The following SEC24D variants were observed in gnomAD, a reference collection of about 807,000 sequenced individuals.
SEC24D encodes SEC24 homolog D, COPII component.
SEC24D carries 69 observed loss-of-function variants against 116.9 expected under a neutral mutation model. The ratio of observed to expected loss-of-function variants is 0.59; its 90% CI spans 0.49 to 0.72. The LOEUF (loss-of-function observed/expected upper bound fraction) is 0.72. Among genes scored for constraint, SEC24D ranks in the 30% least tolerant of loss-of-function variants. The pLI is 0.00. For missense variants in SEC24D, 1,131 were observed against 1,264.1 expected (o/e 0.89, Z 1.60); for synonymous variants, 405 against 442.8 (o/e 0.91, Z 1.07).
At chr4:118,831,335 TG>T (rs1260582689) in intron 2 of SEC24D, among the ~76,000 whole-genome samples, 1 of 152,082 alleles carries the variant, frequency 6.6e-6, no homozygotes, top group Admixed American at 6.6e-5. Context: ...CACCAAGTTT[TG>T]TTTTTTTGTT....
intron 8 of SEC24D, among the ~76,000 whole-genome samples, chr4:118,794,101 A>C (rs28655572): frequency 0.01 from 1,574 of 152,342 alleles, 25 homozygotes; most frequent in African/African-American, 0.036. Context: ...GTATTTGGTT[A>C]AAACAAACAA....
intron 8 of SEC24D, among the ~76,000 whole-genome samples, chr4:118,779,688 C>T (rs902123686): frequency 6.6e-6 from 1 of 152,190 alleles, no homozygotes; most frequent in Non-Finnish European, 1.5e-5. Context: ...GTACCAGCTT[C>T]TCTTTGTACC....
intron 19 of SEC24D, chr4:118,736,564 A>G: frequency 5.9e-6 from 2 of 340,016 alleles, no homozygotes; most frequent in Non-Finnish European, 1.1e-5. Flanking sequence ...ATTTTTCACA[A>G]GTGAACTGTA....
chr4:118,782,606 T>C (rs1308695591), intron 8 of SEC24D, among the ~76,000 whole-genome samples: 2 of 152,180 alleles, frequency 1.3e-5, no homozygotes, highest in Non-Finnish European at 2.9e-5. Context: ...TCAAACACCG[T>C]GCAGGGAGAA....
At position 118,817,340 on chromosome 4, in the gene SEC24D, A is replaced by G. The variant is rs1730194332; in HGVS notation, c.321T>C (p.Ser107=). 1.9e-6 allele frequency: 3 copies of G among 1,614,026 alleles called. No individual in the cohort carries two copies. Among genetic ancestry groups the G allele is most frequent in the African/African-American group, 2.7e-5 (2 of 75,048 alleles). The change falls in exon 4 of 23, where the codon TCT becomes TCC. Residue 107 remains serine (S), a synonymous_variant. Transcript: ENST00000280551. ...ATGAAGTGGATATAGGACCTGGATA[A>G]GAAGATTGTGCAGAGGGTTGGTATG... ...HAPYQPSAQS[S]YPGPISTSSV...
At chr4:118,762,984 G>A (rs1017366535) in intron 10 of SEC24D, among the ~76,000 whole-genome samples, 3 of 152,078 alleles carry the variant, frequency 2.0e-5, no homozygotes, top group Non-Finnish European at 2.9e-5. Context: ...CTGAGAGCAG[G>A]GTTAGATTTA....
chr4:118,779,202 C>T (rs984973636), intron 8 of SEC24D, among the ~76,000 whole-genome samples: 3 of 152,142 alleles, frequency 2.0e-5, no homozygotes, highest in Non-Finnish European at 4.4e-5. Flanking sequence ...GGAATGCTTC[C>T]AGTTTTTGCC....
intron 10 of SEC24D, among the ~76,000 whole-genome samples, chr4:118,764,082 A>G (rs1727519150): frequency 6.6e-6 from 1 of 152,180 alleles, no homozygotes; most frequent in African/African-American, 2.4e-5. Flanking sequence ...GTATAAAGGC[A>G]TGGAGTTGTC....
chr4:118,729,897 T>G (rs1296852381), intron 21 of SEC24D: 1 of 152,268 alleles, frequency 6.6e-6, no homozygotes, highest in East Asian at 1.9e-4. Context: ...ATATGCATTA[T>G]GTGGCATATT....
chr4:118,813,676 G>A (rs763909390), intron 6 of SEC24D, among the ~76,000 whole-genome samples: 9 of 152,236 alleles, frequency 5.9e-5, no homozygotes, highest in Non-Finnish European at 1.2e-4. Context: ...CCACACTGGA[G>A]ATTAAGTTTC....
At chr4:118,786,896 T>C (rs1728682032) in intron 8 of SEC24D, among the ~76,000 whole-genome samples, 1 of 152,208 alleles carries the variant, frequency 6.6e-6, no homozygotes, top group African/African-American at 2.4e-5. Flanking sequence ...TTTCTTTGTA[T>C]TGTTTCTCCT....
chr4:118,768,259 C>A lies in SEC24D; in HGVS notation c.1094G>T (p.Arg365Met). ...AAATGGGCACATGTAGGCCTTGCAC[C>A]TGTTGCATCTGACTGGTCCACTCTC... ...HGESGPVRCN[R>M]CKAYMCPFMQ... The change falls in exon 9 of 23, where the codon AGG (arginine) becomes ATG (methionine). Residue 365 changes from arginine to methionine, a missense_variant. Arg to Met is a moderately conservative substitution (Grantham distance 91). Transcript: ENST00000280551. The A allele has an allele frequency of 6.2e-7, 1 of 1,613,900 alleles. No individual in the cohort carries two copies. The highest frequency in any genetic ancestry group is 8.5e-7 in the Non-Finnish European group (1 of 1,179,862).
intron 8 of SEC24D, among the ~76,000 whole-genome samples, chr4:118,780,355 T>G (rs1484827445): frequency 2.0e-5 from 3 of 152,252 alleles, no homozygotes; most frequent in Non-Finnish European, 4.4e-5. Context: ...CATTTCGTTA[T>G]GTACCCAGTA....
rs750079948 is a variant in SEC24D, at chr4:118,757,848, A to G, written c.1297-3T>C. The G allele has an allele frequency of 2.0e-5, 32 of 1,597,782 alleles. No individual in the cohort carries two copies. In the Middle Eastern group the frequency reaches 1.0e-3, roughly 52 times the overall value. The stretch of plus-strand genomic sequence containing the variant: ...GGTGGGTTGGGAGGCTTACTCTTCT[A>G]TAGGAAAGCAAACACATCACATAAA... On this transcript the variant is annotated splice_region_variant and splice_polypyrimidine_tract_variant and intron_variant, in intron 10 of 22. Transcript: ENST00000280551.
At chr4:118,732,598 CAT>C in intron 20 of SEC24D, 133 bp downstream of exon 20, 1 of 814,450 alleles carries the variant, frequency 1.2e-6, no homozygotes, top group Non-Finnish European at 1.9e-6. Flanking sequence ...AATCCCACAC[CAT>C]ATATTTTGAA....
At chr4:118,823,082 C>A (rs189931997) in intron 3 of SEC24D, among the ~76,000 whole-genome samples, 1 of 152,326 alleles carries the variant, frequency 6.6e-6, no homozygotes, top group East Asian at 1.9e-4. Context: ...CCAGTGTCCA[C>A]AGTTAGTAAA....
At position 118,764,807 on chromosome 4, in the gene SEC24D, A is replaced by G. The variant is rs748133212; in HGVS notation, c.1291T>C (p.Cys431Arg). The G allele has an allele frequency of 6.4e-7, 1 of 1,556,402 alleles. No homozygotes were observed. Among genetic ancestry groups the G allele is most frequent in the Non-Finnish European group, 8.9e-7 (1 of 1,128,696 alleles). Residue 431 changes from cysteine (C) to arginine (R), a missense_variant, in exon 10 of 23, where the codon TGC becomes CGC. Cys to Arg is a radical substitution (Grantham distance 180, BLOSUM62 -3). Transcript: ENST00000280551. ...GAAGTTCTGGGAACACTTACTCTGCAATAATCCAAAGTGGCAACATATTCA... is the reference window on the plus strand; with the variant it reads ...GAAGTTCTGGGAACACTTACTCTGCGATAATCCAAAGTGGCAACATATTCA... Reference protein sequence around the residue: ...SYEYVATLDYCRKSKPPNPPA... With the variant: ...SYEYVATLDYRRKSKPPNPPA...
At chr4:118,835,589 C>T (rs1184682243) in intron 1 of SEC24D, among the ~76,000 whole-genome samples, 2 of 152,192 alleles carry the variant, frequency 1.3e-5, no homozygotes, top group African/African-American at 4.8e-5. Context: ...TCTAACATTT[C>T]CTTCCTTCAA....
At chr4:118,833,857 T>C (rs1250814926) in intron 1 of SEC24D, 120 bp from the exon 2 acceptor site, 2 of 565,918 alleles carry the variant, frequency 3.5e-6, no homozygotes, top group Non-Finnish European at 3.1e-6. Flanking sequence ...AGATATCAGG[T>C]ACATGAGAAA....
Sources: allele counts gnomAD v4.1 joint callset (sites outside exome capture counted in the v4.1 genomes callset), GRCh38; gene constraint gnomAD v4.1.1; transcripts MANE v1.5; gene names NCBI Gene and HGNC (gene_info 2026-07-23, HGNC 2026-07-21).